UGT8: variants seen among roughly 807,000 people sequenced by gnomAD.
The protein encoded by UGT8 is 2-hydroxyacylsphingosine 1-beta-galactosyltransferase.
A neutral mutation model predicts 40.5 loss-of-function variants in UGT8; 12 were observed. The ratio of observed to expected loss-of-function variants is 0.30; its 90% CI spans 0.19 to 0.48. The LOEUF is 0.48. UGT8 is among the 20% of genes least tolerant of loss of function. The pLI is 0.99. For synonymous variants in UGT8, 224 were observed against 240.4 expected, an observed-to-expected ratio of 0.93 and a Z score of 0.63; for missense variants, 513 against 648.7, an observed-to-expected ratio of 0.79 and a Z score of 2.27.
chr4:114,610,942 C>G (rs1445474594), intron 1 of UGT8, among the ~76,000 whole-genome samples: 1 of 152,070 alleles, frequency 6.6e-6, no homozygotes, highest in Non-Finnish European at 1.5e-5. Flanking sequence ...TTTTGTGATT[C>G]TACAACATTA....
chr4:114,609,898 T>A (rs569169840), intron 1 of UGT8, among the ~76,000 whole-genome samples: 1 of 152,306 alleles, frequency 6.6e-6, no homozygotes, highest in East Asian at 1.9e-4. Context: ...TTGTAACATT[T>A]AGAATTAATT....
intron 2 of UGT8, among the ~76,000 whole-genome samples, chr4:114,652,985 A>G (rs1173779444): frequency 6.6e-6 from 1 of 152,070 alleles, no homozygotes; most frequent in African/African-American, 2.4e-5. Context: ...TGCCCAAGGT[A>G]CAAAATCTTT....
chr4:114,643,576 C>T (rs1030690728), intron 2 of UGT8, among the ~76,000 whole-genome samples: 1 of 152,104 alleles, frequency 6.6e-6, no homozygotes, highest in African/African-American at 2.4e-5. Flanking sequence ...TAAATCACTC[C>T]AACTGTATTT....
chr4:114,625,292 C>G (rs1404376155), intron 2 of UGT8, among the ~76,000 whole-genome samples: 2 of 152,026 alleles, frequency 1.3e-5, no homozygotes, highest in Non-Finnish European at 2.9e-5. Context: ...GCAGGAGGAT[C>G]ACTTGAGTCC....
intron 2 of UGT8, among the ~76,000 whole-genome samples, chr4:114,628,711 A>G (rs977042913): frequency 3.8e-5 from 5 of 132,718 alleles, no homozygotes; most frequent in Non-Finnish European, 8.3e-5. Flanking sequence ...CCAGTTGTGG[A>G]GACATTTTTA....
chr4:114,653,197 A>G (rs963719745), intron 2 of UGT8, among the ~76,000 whole-genome samples: 4 of 152,140 alleles, frequency 2.6e-5, no homozygotes, highest in Non-Finnish European at 5.9e-5. Flanking sequence ...CATAAAAGTT[A>G]AAGACTTCTC....
At chr4:114,649,675 A>T (rs1484107371) in intron 2 of UGT8, among the ~76,000 whole-genome samples, 2 of 152,112 alleles carry the variant, frequency 1.3e-5, no homozygotes, top group African/African-American at 2.4e-5. Context: ...ATGTGTCCAC[A>T]CTTACGTTCA....
chr4:114,620,403 T>C (rs1162573636), intron 1 of UGT8, among the ~76,000 whole-genome samples: 1 of 152,222 alleles, frequency 6.6e-6, no homozygotes, highest in African/African-American at 2.4e-5. Context: ...AATATCTCAT[T>C]TTTCCTTCTT....
chr4:114,673,056 T>C (rs1578475641), intron 5 of UGT8, among the ~76,000 whole-genome samples: 1 of 152,226 alleles, frequency 6.6e-6, no homozygotes, highest in South Asian at 2.1e-4. Flanking sequence ...AAGATATTTA[T>C]ACTTTTGTAA....
At chr4:114,606,621 G>A in intron 1 of UGT8, among the ~76,000 whole-genome samples, 1 of 152,170 alleles carries the variant, frequency 6.6e-6, no homozygotes, top group African/African-American at 2.4e-5. Context: ...TAATATTCAT[G>A]CTAATCACTG....
intron 5 of UGT8, 135 bp from the exon 6 acceptor site, chr4:114,675,790 C>T (rs1420144899): frequency 2.2e-5 from 8 of 356,314 alleles, no homozygotes; most frequent in Admixed American, 9.0e-5. Flanking sequence ...AAGCACTTAA[C>T]ACAGTGCTTG....
At chr4:114,657,193 T>C (rs1238041888) in intron 2 of UGT8, among the ~76,000 whole-genome samples, 5 of 152,116 alleles carry the variant, frequency 3.3e-5, no homozygotes. Flanking sequence ...ATCCTCGGGA[T>C]GTCCCTGCTG....
At chr4:114,649,108 A>G (rs1313241823) in intron 2 of UGT8, among the ~76,000 whole-genome samples, 1 of 152,190 alleles carries the variant, frequency 6.6e-6, no homozygotes, top group African/African-American at 2.4e-5. Context: ...ATTGGATAGC[A>G]TATTGGATAT....
At chr4:114,652,509 A>T (rs1440690323) in intron 2 of UGT8, among the ~76,000 whole-genome samples, 1 of 151,900 alleles carries the variant, frequency 6.6e-6, no homozygotes, top group African/African-American at 2.4e-5. Flanking sequence ...GTGCACTTTT[A>T]TGATGGGTCT....
intron 1 of UGT8, among the ~76,000 whole-genome samples, chr4:114,605,149 G>C (rs1730663933): frequency 6.6e-6 from 1 of 152,174 alleles, no homozygotes; most frequent in Non-Finnish European, 1.5e-5. Context: ...GTTTAGGAGT[G>C]CATAGCCAAA....
chr4:114,666,416 A>G (rs954459709), intron 4 of UGT8, among the ~76,000 whole-genome samples: 1 of 152,140 alleles, frequency 6.6e-6, no homozygotes, highest in Non-Finnish European at 1.5e-5. Flanking sequence ...AAATTTAACT[A>G]AAAACCAGTA....
At chr4:114,622,774 A>C in intron 1 of UGT8, 105 bp from the exon 2 acceptor site, 1 of 1,039,016 alleles carries the variant, frequency 9.6e-7, no homozygotes, top group Non-Finnish European at 1.3e-6. Flanking sequence ...TTTTTTAGAC[A>C]AAGTATTAGA....
intron 2 of UGT8, among the ~76,000 whole-genome samples, chr4:114,658,901 T>C (rs946433607): frequency 1.3e-5 from 2 of 151,896 alleles, no homozygotes; most frequent in Non-Finnish European, 2.9e-5. Context: ...ACTTTGGGAG[T>C]AGTTGCTCCC....
At position 114,602,478 on chromosome 4, in the gene UGT8, G is replaced by C. The variant is rs560012640; in HGVS notation, c.-3+3504G>C. ...GATTAAAATGGTTTAATTTGATCTTGAAAACAGTGGTAATCATATCTCCTT... is the reference window on the plus strand; with the variant it reads ...GATTAAAATGGTTTAATTTGATCTTCAAAACAGTGGTAATCATATCTCCTT... On this transcript the variant is annotated intron_variant, in intron 1 of 5. Coordinates refer to ENST00000310836, the MANE Select transcript of UGT8 (RefSeq NM_001128174.3). 1.4e-4 allele frequency among the ~76,000 whole-genome samples: 22 copies of C among 152,300 alleles called. No individual in the cohort carries two copies. In the South Asian group the frequency reaches 3.3e-3, roughly 23 times the overall value.
Sources: allele counts gnomAD v4.1 joint callset (sites outside exome capture counted in the v4.1 genomes callset), GRCh38; gene constraint gnomAD v4.1.1; transcripts MANE v1.5; gene names NCBI Gene and HGNC (gene_info 2026-07-23, HGNC 2026-07-21).